Variants in DAXX observed in about 807,000 individuals in gnomAD.
DAXX encodes the protein death domain-associated protein 6.
In DAXX, 24 loss-of-function variants were observed where a neutral mutation model predicts 61.9. The ratio of observed to expected loss-of-function variants is 0.39; its 90% CI spans 0.28 to 0.55. DAXX has a LOEUF of 0.55. DAXX is among the 20% of genes least tolerant of loss of function. The probability of loss-of-function intolerance (pLI) is 0.69; values close to 1 mark genes in which losing one functional copy is unlikely to be tolerated. For synonymous variants in DAXX, 357 were observed against 369.5 expected, an observed-to-expected ratio of 0.97 and a Z score of 0.39; for missense variants, 819 against 935.3, an observed-to-expected ratio of 0.88 and a Z score of 1.62.
rs2150985686 is a variant in DAXX at position 33,318,748 on chromosome 6, C to T, written c.2218G>A (p.Asp740Asn). Residue 740 changes from aspartate (D) to asparagine (N), a missense_variant, in exon 8 of 8, where the codon GAT becomes AAT. Asp to Asn is a conservative substitution (Grantham distance 23, BLOSUM62 1). Transcript: ENST00000374542. ...PEEIIVLSDS[D>N] is the part of the protein sequence containing the mutation. ...GCAGGGAGAAGGGGAGGCAGCTAAT[C>T]AGAGTCTGAGAGCACGATGATCTCT... The T allele has an allele frequency of 1.3e-6, 2 of 1,497,920 alleles. No homozygotes were observed. The highest frequency in any genetic ancestry group is 1.8e-6 in the Non-Finnish European group (2 of 1,095,354). The allele number at this position is 1,497,920 out of a possible 1,614,324, so 92.8% of individuals were successfully genotyped here. A position where few individuals can be genotyped will look rare whatever the true frequency, so the allele number is the denominator to read the frequency against.
At position 33,321,657 on chromosome 6, in the gene DAXX, C is replaced by A. The variant is rs1013923101; in HGVS notation, c.207+62G>T. The stretch of plus-strand genomic sequence containing the variant: ...GGTGGGGTTAGTGGGAAAGAAAGGA[C>A]AGGAGAACCAGTCAGCCATCCCCCT... On this transcript the variant is annotated intron_variant, in intron 2 of 7. Coordinates refer to ENST00000374542, the MANE Select transcript of DAXX (RefSeq NM_001141969.2). This position sits in a 1 kb window ranked among gnomAD's most constrained non-coding sequence, Gnocchi z 7.2. The A allele has an allele frequency of 6.2e-7, 1 of 1,600,270 alleles. No homozygotes were observed. The highest frequency in any genetic ancestry group is 1.3e-5 in the African/African-American group (1 of 74,664).
At position 33,320,467 on chromosome 6, in the gene DAXX, C is replaced by G. The variant is rs954120093; in HGVS notation, c.1164G>C (p.Glu388Asp). 1.2e-6 allele frequency: 2 copies of G among 1,613,462 alleles called. No individual in the cohort carries two copies. The highest frequency in any genetic ancestry group is 4.5e-5 in the East Asian group (2 of 44,888). Reference sequence around the variant, plus strand: ...GAGCTCTTCTCTTTTTTCTCTCGCCCTCCTCACTTTTGTCTTGCAACATTG... The same window carrying G: ...GAGCTCTTCTCTTTTTTCTCTCGCCGTCCTCACTTTTGTCTTGCAACATTG... The part of the protein sequence containing the change: ...KYAMLQDKSE[E>D]GERKKRRARL... The change falls in exon 4 of 8, where the codon GAG becomes GAC. Residue 388 changes from glutamate to aspartate, a missense_variant. By Grantham distance (45) the Glu-to-Asp change is conservative. Transcript: ENST00000374542. The surrounding 1 kb of genome is among the most constrained non-coding windows in gnomAD (Gnocchi z 7.1).
chr6:33,320,493 C>T lies in DAXX; in HGVS notation c.1138G>A (p.Ala380Thr), dbSNP rs375875284. The change falls in exon 4 of 8, where the codon GCA (alanine) becomes ACA (threonine). Residue 380 changes from alanine (A) to threonine (T), a missense_variant. By Grantham distance (58) the Ala-to-Thr change is moderately conservative. Transcript: ENST00000374542. This position sits in a 1 kb window ranked among gnomAD's most constrained non-coding sequence, Gnocchi z 7.1. ...TCCTCACTTTTGTCTTGCAACATTG[C>T]ATATTTGGAGATGACCTCATCCAGC... The part of the protein sequence containing the change: ...SRLDEVISKY[A>T]MLQDKSEEGE... 11 of 1,613,366 alleles carry T rather than the reference C, an allele frequency of 6.8e-6. No individual in the cohort carries two copies. The highest frequency in any genetic ancestry group is 1.1e-5 in the South Asian group (1 of 91,078).
rs2151000201 is a variant in DAXX at position 33,321,922 on chromosome 6, C to T, written c.4G>A (p.Ala2Thr). M[A>T]TANSIIVLDD... ...AGCACGATGATGCTGTTAGCGGTGGCCATAGGGGATCAAATCCCCCGGAGG... is the reference window on the plus strand; with the variant it reads ...AGCACGATGATGCTGTTAGCGGTGGTCATAGGGGATCAAATCCCCCGGAGG... Residue 2 changes from alanine to threonine, a missense_variant, in exon 2 of 8, where the codon GCC (alanine) becomes ACC (threonine). By Grantham distance (58) the Ala-to-Thr change is moderately conservative. Coordinates refer to ENST00000374542, the MANE Select transcript of DAXX (RefSeq NM_001141969.2). The surrounding 1 kb of genome is among the most constrained non-coding windows in gnomAD (Gnocchi z 7.2). 6.2e-7 allele frequency: 1 copy of T among 1,604,980 alleles called. No individual in the cohort carries two copies. The highest frequency in any genetic ancestry group is 8.5e-7 in the Non-Finnish European group (1 of 1,174,610).
At position 33,321,548 on chromosome 6, in the gene DAXX, A is replaced by G. The variant is rs1176729801; in HGVS notation, c.227T>C (p.Met76Thr). Residue 76 changes from methionine (M) to threonine (T), a missense_variant, in exon 3 of 8, where the codon ATG (methionine) becomes ACG (threonine). Coordinates refer to ENST00000374542, the MANE Select transcript of DAXX (RefSeq NM_001141969.2). This position sits in a 1 kb window ranked among gnomAD's most constrained non-coding sequence, Gnocchi z 7.2. Reference protein sequence around the residue: ...LFEEFLELCKMQTADHPEVVP... With the variant: ...LFEEFLELCKTQTADHPEVVP... ...CACCTCAGGGTGGTCTGCTGTCTGC[A>G]TCTTACAAAGTTCAAGGAACTAGAA... The G allele has an allele frequency of 6.2e-7, 1 of 1,613,726 alleles. No homozygotes were observed. Among genetic ancestry groups the G allele is most frequent in the Admixed American group, 1.7e-5 (1 of 59,958 alleles).
In DAXX at chr6:33,321,086, C is replaced by G; in HGVS notation, c.689G>C (p.Arg230Pro). ...TCGCCCAAAGAGGCGGATCAGCTTA[C>G]GCTTCAACCGTGCCTCCTGCAGGTA... ...SAYLQEARLK[R>P]KLIRLFGRLC... The change falls in exon 3 of 8, where the codon CGT (arginine) becomes CCT (proline). Residue 230 changes from arginine (R) to proline (P), a missense_variant. Coordinates refer to ENST00000374542, the MANE Select transcript of DAXX (RefSeq NM_001141969.2). The surrounding 1 kb of genome is among the most constrained non-coding windows in gnomAD (Gnocchi z 7.2). 6.2e-7 allele frequency: 1 copy of G among 1,612,866 alleles called. No homozygotes were observed. Among genetic ancestry groups the G allele is most frequent in the Non-Finnish European group, 8.5e-7 (1 of 1,178,834 alleles).
chr6:33,320,216 A>G lies in DAXX; in HGVS notation c.1260T>C (p.Ser420=), dbSNP rs1318872884. Reference sequence around the variant, plus strand: ...AAGGGCACCCCTGGGATGCCATTCCACTAGGGCCCTGGGAGACAAAGAAGT... The same window carrying G: ...AAGGGCACCCCTGGGATGCCATTCCGCTAGGGCCCTGGGAGACAAAGAAGT... The part of the protein sequence containing the change: ...EASLDSGEGP[S]GMASQGCPSA... The change falls in exon 5 of 8, where the codon AGT becomes AGC. Residue 420 remains serine (S), a synonymous_variant. Transcript: ENST00000374542. This position sits in a 1 kb window ranked among gnomAD's most constrained non-coding sequence, Gnocchi z 7.1. 6.2e-7 allele frequency: 1 copy of G among 1,608,866 alleles called. No individual in the cohort carries two copies. The highest frequency in any genetic ancestry group is 1.1e-5 in the South Asian group (1 of 90,990).
chr6:33,319,404 G>A lies in DAXX; in HGVS notation c.1916C>T (p.Thr639Ile). The A allele has an allele frequency of 6.2e-7, 1 of 1,612,806 alleles. No individual in the cohort carries two copies. Among genetic ancestry groups the A allele is most frequent in the Non-Finnish European group, 8.5e-7 (1 of 1,179,956 alleles). ...CCTGTTTCCTAATGGCCCTGATCCTGTTTGCTTCTTCTCCTTCCGAGATTT... is the reference window on the plus strand; with the variant it reads ...CCTGTTTCCTAATGGCCCTGATCCTATTTGCTTCTTCTCCTTCCGAGATTT... ...CKKSRKEKKQ[T>I]GSGPLGNSYV... Residue 639 changes from threonine (T) to isoleucine (I), a missense_variant, in exon 6 of 8, where the codon ACA becomes ATA. Coordinates refer to ENST00000374542, the MANE Select transcript of DAXX (RefSeq NM_001141969.2).
In DAXX at chr6:33,321,031, C is replaced by T. The variant is rs1770528753; in HGVS notation, c.744G>A (p.Leu248=). Reference sequence around the variant, plus strand: ...TGCGCTGCTCTATGACACGGCCGGTCAGTGAAGAGCAGTCTTTCAGCTCAC... The same window carrying T: ...TGCGCTGCTCTATGACACGGCCGGTTAGTGAAGAGCAGTCTTTCAGCTCAC... ...RLCELKDCSS[L]TGRVIEQRIP... The change falls in exon 3 of 8, where the codon CTG becomes CTA. Residue 248 remains leucine (L), a synonymous_variant. Coordinates refer to ENST00000374542, the MANE Select transcript of DAXX (RefSeq NM_001141969.2). This position sits in a 1 kb window ranked among gnomAD's most constrained non-coding sequence, Gnocchi z 7.2. 6.2e-7 allele frequency: 1 copy of T among 1,614,058 alleles called. No individual in the cohort carries two copies. Among genetic ancestry groups the T allele is most frequent in the Non-Finnish European group, 8.5e-7 (1 of 1,179,914 alleles).
rs751470558 is a variant in DAXX, at chr6:33,320,785, G to A, written c.990C>T (p.Leu330=). The change falls in exon 3 of 8, where the codon CTC becomes CTT. Residue 330 remains leucine (L), a synonymous_variant. Transcript: ENST00000374542. The surrounding 1 kb of genome is among the most constrained non-coding windows in gnomAD (Gnocchi z 7.1). ...VGIRLQERRH[L]DLIYNFGCHL... ...GGCAGCCAAAGTTGTAGATGAGATCGAGGTGACGTCGCTCCTGTAACCTGA... is the reference window on the plus strand; with the variant it reads ...GGCAGCCAAAGTTGTAGATGAGATCAAGGTGACGTCGCTCCTGTAACCTGA... 15 of 1,614,054 alleles carry A rather than the reference G, an allele frequency of 9.3e-6. No homozygotes were observed. The African/African-American group carries it at 1.1e-4, about 11-fold the overall frequency.
At chr6:33,318,965 T>C (rs1329393135) in intron 7 of DAXX, 32 bp downstream of exon 7, 5 of 1,571,710 alleles carry the variant, frequency 3.2e-6, no homozygotes, top group Admixed American at 3.4e-5. Context: ...AGAGAACAAA[T>C]TGTCAGAGGA....
In DAXX at chr6:33,321,366, G is replaced by T. The variant is rs61757202; in HGVS notation, c.409C>A (p.His137Asn). ...AAGTTCAGCTTCTTTTTGGCTGAGTGGGCCTTGAGAACAGTGCAGAGCTCA... is the reference window on the plus strand; with the variant it reads ...AAGTTCAGCTTCTTTTTGGCTGAGTTGGCCTTGAGAACAGTGCAGAGCTCA... ...INELCTVLKA[H>N]SAKKKLNLAP... Residue 137 changes from histidine (H) to asparagine (N), a missense_variant, in exon 3 of 8, where the codon CAC (histidine) becomes AAC (asparagine). Transcript: ENST00000374542. This position sits in a 1 kb window ranked among gnomAD's most constrained non-coding sequence, Gnocchi z 7.2. 6.2e-7 allele frequency: 1 copy of T among 1,613,570 alleles called. No individual in the cohort carries two copies. Among genetic ancestry groups the T allele is most frequent in the Non-Finnish European group, 8.5e-7 (1 of 1,179,474 alleles).
rs777217124 is a variant in DAXX, at chr6:33,320,135, C to T, written c.1341G>A (p.Glu447=). Residue 447 remains glutamate (E), a synonymous_variant, in exon 5 of 8, where the codon GAG becomes GAA. Coordinates refer to ENST00000374542, the MANE Select transcript of DAXX (RefSeq NM_001141969.2). This position sits in a 1 kb window ranked among gnomAD's most constrained non-coding sequence, Gnocchi z 7.1. ...DEDDEESDEE[E]EEEEEEEEEE... ...CCTCTTCTTCTTCCTCCTCCTCCTC[C>T]TCTTCCTCATCACTCTCCTCATCGT... 8.1e-6 allele frequency: 13 copies of T among 1,612,828 alleles called. No homozygotes were observed. The East Asian group carries it at 2.0e-4, about 25-fold the overall frequency.
chr6:33,319,997 T>A lies in DAXX; in HGVS notation c.1465+14A>T. 6.2e-7 allele frequency: 1 copy of A among 1,613,914 alleles called. No homozygotes were observed. The highest frequency in any genetic ancestry group is 8.5e-7 in the Non-Finnish European group (1 of 1,179,918). On this transcript the variant is annotated intron_variant, in intron 5 of 7. Coordinates refer to ENST00000374542, the MANE Select transcript of DAXX (RefSeq NM_001141969.2). ...ACAGAAATGACAGGTGAGGAGAATG[T>A]TCCCTTGACATACCTGCTGCTGCTT...
At chr6:33,322,134 T>C in intron 1 of DAXX, 157 bp from the exon 2 acceptor site, 1 of 445,018 alleles carries the variant, frequency 2.2e-6, no homozygotes, top group South Asian at 3.8e-5. Context: ...TATATGCTTT[T>C]TGGGGCCCTT....
At chr6:33,322,590 C>A in intron 1 of DAXX, 1 of 242,506 alleles carries the variant, frequency 4.1e-6, no homozygotes. Flanking sequence ...TTTCCCCATT[C>A]TCTCGGTGAC....
rs1770652590 is a variant in DAXX, at chr6:33,321,777, C to A, written c.149G>T (p.Ser50Ile). Residue 50 changes from serine (S) to isoleucine (I), a missense_variant, in exon 2 of 8, where the codon AGC becomes ATC. Coordinates refer to ENST00000374542, the MANE Select transcript of DAXX (RefSeq NM_001141969.2). This position sits in a 1 kb window ranked among gnomAD's most constrained non-coding sequence, Gnocchi z 7.2. ...SSSEPHGARG[S>I]SSSGGKKCYK... ...GCATTTCTTGCCGCCCGAACTACTG[C>A]TTCCTCTGGCCCCATGAGGCTCAGA... 6.2e-7 allele frequency: 1 copy of A among 1,613,310 alleles called. No individual in the cohort carries two copies. The highest frequency in any genetic ancestry group is 1.1e-5 in the South Asian group (1 of 91,078).
Position 33,320,704 on chromosome 6 carries a change from G to T in DAXX, c.1039+32C>A. On this transcript the variant is annotated intron_variant, in intron 3 of 7. Transcript: ENST00000374542. The surrounding 1 kb of genome is among the most constrained non-coding windows in gnomAD (Gnocchi z 7.1). ...ATCCGCCTCATACCTGACATATAAG[G>T]GTCACTGAGAGGCATCCCACCAACC... 1.2e-6 allele frequency: 2 copies of T among 1,610,690 alleles called. No homozygotes were observed. Among genetic ancestry groups the T allele is most frequent in the Non-Finnish European group, 8.5e-7 (1 of 1,177,414 alleles).
rs1269566810 is a variant in DAXX at position 33,322,038 on chromosome 6, C to A, written c.-52-61G>T. 4.8e-6 allele frequency: 6 copies of A among 1,259,982 alleles called. No homozygotes were observed. In the African/African-American group the frequency reaches 9.0e-5, roughly 19 times the overall value. The allele number at this position is 1,259,982 out of a possible 1,614,324, so 78.1% of individuals were successfully genotyped here. ...AGCATAGCCCCATCCCTTCACCTCA[C>A]ACATTTTCTGAACTCCTTGGGTTTC... On this transcript the variant is annotated intron_variant, in intron 1 of 7. Transcript: ENST00000374542.
Sources: gnomAD v4.1 joint callset for allele counts on GRCh38, gnomAD v4.1.1 for gene constraint, Gnocchi (gnomAD v3.1) non-coding constraint, MANE v1.5 for transcripts, NCBI Gene and HGNC (gene_info 2026-07-23, HGNC 2026-07-21) for gene names.